RASA3: variants seen among roughly 807,000 people sequenced by gnomAD.
RASA3 encodes ras GTPase-activating protein 3.
RASA3 carries 73 observed loss-of-function variants against 110.0 expected under a neutral mutation model. The observed-to-expected ratio is 0.66, with a 90% CI of 0.55 to 0.81. The LOEUF is 0.81. Ranked by LOEUF, RASA3 falls within the 30% of genes least tolerant of loss-of-function variation. The pLI is 0.00. For missense variants in RASA3, 976 were observed against 1,113.2 expected (o/e 0.88, Z 1.75); for synonymous variants, 500 against 451.4 (o/e 1.11, Z -1.37).
intron 1 of RASA3, among the ~76,000 whole-genome samples, chr13:114,129,808 G>A (rs112380589): frequency 6.6e-6 from 1 of 152,126 alleles, no homozygotes; most frequent in Admixed American, 6.5e-5. Flanking sequence ...ACGGGCCCTG[G>A]GTCATGCAGC....
At chr13:114,071,085 T>G (rs1335761605) in intron 2 of RASA3, among the ~76,000 whole-genome samples, 1 of 152,258 alleles carries the variant, frequency 6.6e-6, no homozygotes, top group African/African-American at 2.4e-5. Flanking sequence ...CCCACATGGG[T>G]TTCTCTTTCT....
rs2052852511 is a variant in RASA3, at chr13:113,979,361, T to G, written c.2491A>C (p.Thr831Pro). Residue 831 changes from threonine to proline, a missense_variant, in exon 24 of 24, where the codon ACT becomes CCT. Transcript: ENST00000334062. ...TCCCGCAGACTTTAAATGGAATGAGTGGAGGTCTCGGACTGCTGCCGGATG... is the reference window on the plus strand; with the variant it reads ...TCCCGCAGACTTTAAATGGAATGAGGGGAGGTCTCGGACTGCTGCCGGATG... ...NYIRQQSETS[T>P]HSI 2 of 1,602,048 alleles carry G rather than the reference T, an allele frequency of 1.2e-6. No individual in the cohort carries two copies. The highest frequency in any genetic ancestry group is 1.7e-6 in the Non-Finnish European group (2 of 1,169,302).
intron 18 of RASA3, among the ~76,000 whole-genome samples, chr13:114,005,099 G>A (rs920822467): frequency 7.2e-5 from 11 of 152,188 alleles, no homozygotes; most frequent in African/African-American, 1.4e-4. Context: ...ACACGTATTC[G>A]GAATCACAGA....
At chr13:114,058,410 T>C (rs1243271101) in intron 2 of RASA3, among the ~76,000 whole-genome samples, 1 of 152,240 alleles carries the variant, frequency 6.6e-6, no homozygotes, top group Non-Finnish European at 1.5e-5. Flanking sequence ...CACCACAGAA[T>C]TCAGCTCCTC....
rs540574277 is a variant in RASA3, at chr13:114,111,849, T to G, written c.55+20586A>C. 8.6e-4 allele frequency among the ~76,000 whole-genome samples: 131 copies of G among 152,326 alleles called. 1 individual carries two copies. The highest frequency in any genetic ancestry group is 3.4e-3 in the Middle Eastern group (1 of 294). On this transcript the variant is annotated intron_variant, in intron 1 of 23. Transcript: ENST00000334062. Reference sequence around the variant, plus strand: ...AGTTAGGACATCCCCAGCTGCAATTTGAGCAAAGACGGCGCTTCCAGAGGA... The same window carrying G: ...AGTTAGGACATCCCCAGCTGCAATTGGAGCAAAGACGGCGCTTCCAGAGGA...
intron 1 of RASA3, among the ~76,000 whole-genome samples, chr13:114,088,502 A>C (rs1460980857): frequency 3.9e-5 from 6 of 152,176 alleles, no homozygotes. Context: ...CCTTATCTGA[A>C]GGCCATACTT....
intron 1 of RASA3, among the ~76,000 whole-genome samples, chr13:114,095,053 A>C (rs1285054004): frequency 6.6e-6 from 1 of 152,246 alleles, no homozygotes; most frequent in African/African-American, 2.4e-5. Flanking sequence ...ATTTTAATTC[A>C]TGAAATGAAA....
Position 114,015,310 on chromosome 13 carries a change from T to G in RASA3, c.1304A>C (p.Asp435Ala). The G allele has an allele frequency of 6.2e-7, 1 of 1,612,978 alleles. No homozygotes were observed. The highest frequency in any genetic ancestry group is 2.2e-5 in the East Asian group (1 of 44,872). The change falls in exon 14 of 24, where the codon GAC (aspartate) becomes GCC (alanine). Residue 435 changes from aspartate (D) to alanine (A), a missense_variant. Coordinates refer to ENST00000334062, the MANE Select transcript of RASA3 (RefSeq NM_007368.4). ...CTCAGTGATGGCGTGGAAGACGCGG[T>G]CCACATACTGCCGTAGGTTCTCCTG... Reference protein sequence around the residue: ...NNMENLRQYVDRVFHAITESG... With the variant: ...NNMENLRQYVARVFHAITESG...
chr13:114,009,748 C>T (rs2053591866), intron 16 of RASA3, among the ~76,000 whole-genome samples: 1 of 152,236 alleles, frequency 6.6e-6, no homozygotes, highest in African/African-American at 2.4e-5. Context: ...TCCCTCACAC[C>T]TGGGTCCCAG....
At chr13:114,080,615 G>C (rs1174647313) in intron 1 of RASA3, among the ~76,000 whole-genome samples, 3 of 121,762 alleles carry the variant, frequency 2.5e-5, no homozygotes, top group Non-Finnish European at 3.5e-5. Context: ...GTGGCAGGAG[G>C]GGTCCTAGAA....
chr13:114,031,231 G>A (rs1055600673), intron 4 of RASA3, among the ~76,000 whole-genome samples: 14 of 150,736 alleles, frequency 9.3e-5, no homozygotes, highest in African/African-American at 2.9e-4. Context: ...GTGCGTGTCC[G>A]TCTGTGTGCA....
rs528569122 is a variant in RASA3, at chr13:114,011,047, G to A, written c.1590+124C>T. 4.7e-5 allele frequency: 44 copies of A among 926,476 alleles called. No homozygotes were observed. Among genetic ancestry groups the A allele is most frequent in the African/African-American group, 8.2e-5 (5 of 60,944 alleles). 57.4% of individuals were successfully genotyped at this position (926,476 alleles called of 1,614,324 possible). A position where few individuals can be genotyped will look rare whatever the true frequency, so the allele number is the denominator to read the frequency against. ...GGGTTTCAAGAGAGGATGTGGTGCC[G>A]GCTTTGATTCTTGATCTTTATCTTA... On this transcript the variant is annotated intron_variant, in intron 16 of 23. Transcript: ENST00000334062. The surrounding 1 kb of genome is among the most constrained non-coding windows in gnomAD (Gnocchi z 4.8).
chr13:113,978,663 ACT>A lies in RASA3; in HGVS notation c.*682_*683del, dbSNP rs2052833749. On this transcript the variant is annotated 3_prime_UTR_variant, in exon 24 of 24. Coordinates refer to ENST00000334062, the MANE Select transcript of RASA3 (RefSeq NM_007368.4). ...GAGCCCACACCTTTCCCTCCAAGGG[ACT>A]CTGTGGACAGAACCCGTATCCCCCA... 6.6e-6 allele frequency: 1 copy of A among 151,918 alleles called. No individual in the cohort carries two copies. The highest frequency in any genetic ancestry group is 6.6e-5 in the Admixed American group (1 of 15,264). The allele number at this position is 151,918 out of a possible 1,614,324, so 9.4% of individuals were successfully genotyped here.
In RASA3 at chr13:114,018,794, C is replaced by G; in HGVS notation, c.911G>C (p.Arg304Pro). ...ATCCGCAGACTTCAACAGCAGGTCC[C>G]GCAGAGGGCTGTAATAGTCAGAAGA... ...VFSSDYYSPL[R>P]DLLLKSADVE... The change falls in exon 10 of 24, where the codon CGG becomes CCG. Residue 304 changes from arginine to proline, a missense_variant. This residue lies in a region of RASA3 where 732 missense variants were observed against 779.7 expected (regional missense o/e 0.94). Coordinates refer to ENST00000334062, the MANE Select transcript of RASA3 (RefSeq NM_007368.4). The G allele has an allele frequency of 4.3e-6, 7 of 1,613,526 alleles. No individual in the cohort carries two copies. The highest frequency in any genetic ancestry group is 5.9e-6 in the Non-Finnish European group (7 of 1,179,954).
chr13:113,980,048 GCCT>G (rs546256334), intron 23 of RASA3, among the ~76,000 whole-genome samples: 1,302 of 74,350 alleles, frequency 0.018, 19 homozygotes, highest in African/African-American at 0.051. Context: ...ACCTCTGTGT[GCCT>G]CCTGTGTGCA....
At chr13:114,102,836 G>C (rs921647818) in intron 1 of RASA3, among the ~76,000 whole-genome samples, 1 of 152,202 alleles carries the variant, frequency 6.6e-6, no homozygotes, top group Admixed American at 6.5e-5. Context: ...CTGTGGGCTG[G>C]GGACGACGGG....
chr13:114,009,368 A>C lies in RASA3; in HGVS notation c.1668+19T>G. The C allele has an allele frequency of 6.3e-7, 1 of 1,596,584 alleles. No individual in the cohort carries two copies. The highest frequency in any genetic ancestry group is 8.6e-7 in the Non-Finnish European group (1 of 1,165,300). ...CTGAGCACGGCACACGGGCGGTCGG[A>C]GGGTGAGTCGATACTTACGTTCTTC... On this transcript the variant is annotated intron_variant, in intron 17 of 23. Coordinates refer to ENST00000334062, the MANE Select transcript of RASA3 (RefSeq NM_007368.4).
intron 20 of RASA3, among the ~76,000 whole-genome samples, 165 bp from the exon 21 acceptor site, chr13:113,996,904 G>T (rs1183001263): frequency 6.6e-6 from 1 of 152,254 alleles, no homozygotes; most frequent in Non-Finnish European, 1.5e-5. Context: ...AGAGGCCAAG[G>T]CCAGGGGGTG....
At chr13:114,022,160 C>T (rs970410196) in intron 8 of RASA3, among the ~76,000 whole-genome samples, 4 of 152,126 alleles carry the variant, frequency 2.6e-5, no homozygotes, top group African/African-American at 4.8e-5. Context: ...AACCACAGCA[C>T]GGTCCACGAA....
Sources: gnomAD v4.1 joint callset for allele counts (sites outside exome capture counted in the v4.1 genomes callset) on GRCh38, gnomAD v4.1.1 for gene constraint, gnomAD v4.1.1 regional missense constraint, Gnocchi (gnomAD v3.1) non-coding constraint, MANE v1.5 for transcripts, NCBI Gene and HGNC (gene_info 2026-07-23, HGNC 2026-07-21) for gene names.